The following NF1 variants were observed in gnomAD, a reference collection of about 807,000 sequenced individuals.
NF1 encodes the protein neurofibromin 1.
In NF1, 122 loss-of-function variants were observed where a neutral mutation model predicts 325.7. The observed-to-expected ratio is 0.37, with a 90% CI of 0.32 to 0.44. The LOEUF (loss-of-function observed/expected upper bound fraction) is 0.44, where lower values mean the gene tolerates loss of function less well. Ranked by LOEUF, NF1 falls within the 20% of genes least tolerant of loss-of-function variation. The pLI, the probability that NF1 is intolerant of heterozygous loss-of-function variation, is 1.00. For synonymous variants in NF1, 1,091 were observed against 1,186.0 expected (o/e 0.92, Z 1.65); for missense variants, 2,140 against 3,415.4 (o/e 0.63, Z 9.31).
At chr17:31,193,430 T>G (rs968793753) in intron 8 of NF1, among the ~76,000 whole-genome samples, 3 of 152,200 alleles carry the variant, frequency 2.0e-5, no homozygotes, top group African/African-American at 7.2e-5. Flanking sequence ...CACCTCAGCC[T>G]TCAGATAGCT....
intron 36 of NF1, among the ~76,000 whole-genome samples, chr17:31,269,251 G>A (rs2067848010): frequency 6.6e-6 from 1 of 152,088 alleles, no homozygotes; most frequent in African/African-American, 2.4e-5. Flanking sequence ...TAAAGTCCAA[G>A]TTCTGTAGTC....
chr17:31,298,502 T>A (rs768886118), intron 36 of NF1, among the ~76,000 whole-genome samples: 6 of 152,134 alleles, frequency 3.9e-5, no homozygotes, highest in Non-Finnish European at 8.8e-5. Context: ...TAGAATTTGT[T>A]GTATTAAAAT....
chr17:31,132,178 T>A (rs917536502), intron 1 of NF1, among the ~76,000 whole-genome samples: 3 of 151,682 alleles, frequency 2.0e-5, no homozygotes, highest in African/African-American at 7.3e-5. Context: ...AATGATCTTC[T>A]TTCTTGGCTT....
intron 57 of NF1, among the ~76,000 whole-genome samples, chr17:31,363,436 C>CTTTTTTT (rs5819928): frequency 8.9e-6 from 1 of 112,466 alleles, no homozygotes; most frequent in African/African-American, 3.1e-5. Context: ...TTATCTCTCT[C>CTTTTTTT]TTTTTTTTTT....
intron 1 of NF1, among the ~76,000 whole-genome samples, chr17:31,107,726 C>T (rs1167367551): frequency 6.6e-6 from 1 of 152,108 alleles, no homozygotes; most frequent in Non-Finnish European, 1.5e-5. Flanking sequence ...TTCAAGACAC[C>T]TCACTATCCT....
intron 8 of NF1, among the ~76,000 whole-genome samples, chr17:31,184,425 G>A (rs1412888268): frequency 3.3e-5 from 5 of 151,754 alleles, no homozygotes; most frequent in South Asian, 2.1e-4. Context: ...CGAGGCGGGC[G>A]GATCACGAGG....
intron 1 of NF1, among the ~76,000 whole-genome samples, chr17:31,122,600 T>C (rs1159542271): frequency 6.6e-6 from 1 of 152,252 alleles, no homozygotes. Context: ...TAATTGCATC[T>C]GCTTTGTCTT....
chr17:31,097,037 C>A (rs112392667), intron 1 of NF1, among the ~76,000 whole-genome samples: 8 of 152,138 alleles, frequency 5.3e-5, no homozygotes, highest in Non-Finnish European at 5.9e-5. Context: ...GAAGGATCCA[C>A]GCCGCAATTC....
At chr17:31,095,434 G>C in intron 1 of NF1, 65 bp downstream of exon 1, 1 of 1,458,258 alleles carries the variant, frequency 6.9e-7, no homozygotes. Flanking sequence ...TAGGTGAGGG[G>C]AGGTAGGAGC....
In NF1 at chr17:31,185,616, AAG is replaced by A. The variant is rs574857010; in HGVS notation, c.888+2954_888+2955del. Among the ~76,000 whole-genome samples the A allele has an allele frequency of 1.2e-4, 19 of 152,292 alleles. No individual in the cohort carries two copies. The East Asian group carries it at 3.5e-3, about 28-fold the overall frequency. On this transcript the variant is annotated intron_variant, in intron 8 of 57. Coordinates refer to ENST00000358273, the MANE Select transcript of NF1 (RefSeq NM_001042492.3). Reference sequence around the variant, plus strand: ...CATTTGGCCCCTCCTACAAAAAAGAAAGAGGCACAATGCCTAGTGGGCCTACT... The same window carrying A: ...CATTTGGCCCCTCCTACAAAAAAGAAAGGCACAATGCCTAGTGGGCCTACT...
In NF1 at chr17:31,184,673, TAA is replaced by T. The variant is rs1354420768; in HGVS notation, c.888+2014_888+2015del. Among the ~76,000 whole-genome samples, 982 of 146,222 alleles carry T rather than the reference TAA, an allele frequency of 6.7e-3. 15 individuals carry two copies. The highest frequency in any genetic ancestry group is 0.023 in the African/African-American group (920 of 40,466). ...AAAAAAAAAAAATAAAAAAAAAAAA[TAA>T]AAAAATAAAATAGAAAATGATGAGC... On this transcript the variant is annotated intron_variant, in intron 8 of 57. Coordinates refer to ENST00000358273, the MANE Select transcript of NF1 (RefSeq NM_001042492.3).
intron 1 of NF1, among the ~76,000 whole-genome samples, chr17:31,132,332 G>A (rs1915453144): frequency 6.6e-6 from 1 of 151,998 alleles, no homozygotes; most frequent in Admixed American, 6.6e-5. Context: ...ACTTGAAGTC[G>A]AGAGTTTGAG....
At chr17:31,156,155 G>A (rs777454394) in intron 2 of NF1, 29 bp downstream of exon 2, 1 of 1,612,092 alleles carries the variant, frequency 6.2e-7, no homozygotes, top group Non-Finnish European at 8.5e-7. Flanking sequence ...GTGTTTTGGG[G>A]AATTTGCTTT....
chr17:31,180,282 C>G (rs973792905), intron 5 of NF1, among the ~76,000 whole-genome samples: 2 of 152,200 alleles, frequency 1.3e-5, no homozygotes, highest in Non-Finnish European at 2.9e-5. Flanking sequence ...CTGGCAGAGA[C>G]ACAACAACAA....
intron 30 of NF1, among the ~76,000 whole-genome samples, 168 bp downstream of exon 30, chr17:31,249,287 A>T (rs1367882826): frequency 6.6e-6 from 1 of 152,210 alleles, no homozygotes; most frequent in Non-Finnish European, 1.5e-5. Flanking sequence ...AAAAAAACTT[A>T]AATATTACTT....
At position 31,336,793 on chromosome 17, in the gene NF1, C is replaced by T. The variant is rs2069687169; in HGVS notation, c.6306C>T (p.Tyr2102=). 6.2e-7 allele frequency: 1 copy of T among 1,613,970 alleles called. No individual in the cohort carries two copies. The highest frequency in any genetic ancestry group is 1.3e-5 in the African/African-American group (1 of 74,898). ...TTGATGTGGCAGCTCATCTTCCCTACCTCTTCCACGTTGTTACTTTCTTAG... is the reference window on the plus strand; with the variant it reads ...TTGATGTGGCAGCTCATCTTCCCTATCTCTTCCACGTTGTTACTTTCTTAG... ...NSLDVAAHLP[Y]LFHVVTFLVA... is the part of the protein sequence containing the mutation. Residue 2102 remains tyrosine (Y), a synonymous_variant, in exon 42 of 58, where the codon TAC becomes TAT. Transcript: ENST00000358273. The surrounding 1 kb of genome is among the most constrained non-coding windows in gnomAD (Gnocchi z 5.5).
chr17:31,101,321 T>C lies in NF1; in HGVS notation c.60+5952T>C, dbSNP rs563782279. 2.6e-5 allele frequency among the ~76,000 whole-genome samples: 4 copies of C among 152,292 alleles called. No homozygotes were observed. The East Asian group carries it at 7.7e-4, about 29-fold the overall frequency. ...AATTGGAGTTCCTTAGCGGGGGTCT[T>C]AGTTTTGTTCTGCTATTCAGTGCCT... On this transcript the variant is annotated intron_variant, in intron 1 of 57. Coordinates refer to ENST00000358273, the MANE Select transcript of NF1 (RefSeq NM_001042492.3).
At chr17:31,333,522 C>T (rs1178313144) in intron 39 of NF1, among the ~76,000 whole-genome samples, 1 of 152,114 alleles carries the variant, frequency 6.6e-6, no homozygotes, top group Non-Finnish European at 1.5e-5. Context: ...CTATTATGAC[C>T]TCTATTGCAC....
intron 29 of NF1, among the ~76,000 whole-genome samples, chr17:31,248,371 G>A (rs1439615521): frequency 6.6e-6 from 1 of 152,048 alleles, no homozygotes; most frequent in African/African-American, 2.4e-5. Flanking sequence ...GTATTTTAAA[G>A]CATATCTCAG....
Sources: gnomAD v4.1 joint callset for allele counts (sites outside exome capture counted in the v4.1 genomes callset) on GRCh38, gnomAD v4.1.1 for gene constraint, Gnocchi (gnomAD v3.1) non-coding constraint, MANE v1.5 for transcripts, NCBI Gene and HGNC (gene_info 2026-07-23, HGNC 2026-07-21) for gene names.